The following ANO5 variants were observed in gnomAD, a reference collection of about 807,000 sequenced individuals.
ANO5 encodes the protein anoctamin 5.
A neutral mutation model predicts 121.0 loss-of-function variants in ANO5; 109 were observed. The ratio of observed to expected loss-of-function variants is 0.90; its 90% CI spans 0.77 to 1.06. The LOEUF is 1.06. Among genes scored for constraint, ANO5 ranks in the 50% least tolerant of loss-of-function variants. The pLI is 0.00. For synonymous variants in ANO5, 406 were observed against 359.9 expected, an observed-to-expected ratio of 1.13 and a Z score of -1.45; for missense variants, 1,064 against 1,078.5, an observed-to-expected ratio of 0.99 and a Z score of 0.19.
chr11:22,240,442 T>C (rs990577021), intron 9 of ANO5, among the ~76,000 whole-genome samples: 6 of 152,058 alleles, frequency 3.9e-5, no homozygotes, highest in Admixed American at 6.6e-5. Flanking sequence ...CAGTATCTGT[T>C]TCATGAGACT....
chr11:22,254,707 A>G (rs1302973157), intron 12 of ANO5, among the ~76,000 whole-genome samples: 1 of 151,888 alleles, frequency 6.6e-6, no homozygotes, highest in African/African-American at 2.4e-5. Flanking sequence ...TATTTTGTGA[A>G]TTTTTTTGAA....
intron 7 of ANO5, among the ~76,000 whole-genome samples, chr11:22,230,623 G>A (rs1298303658): frequency 6.6e-6 from 1 of 151,940 alleles, no homozygotes; most frequent in Non-Finnish European, 1.5e-5. Flanking sequence ...AAGCACTCAT[G>A]TTCCACATGC....
chr11:22,205,475 A>C (rs1174388727), intron 2 of ANO5, among the ~76,000 whole-genome samples: 2 of 152,166 alleles, frequency 1.3e-5, no homozygotes, highest in East Asian at 3.9e-4. Context: ...CAATATACAA[A>C]CAAGAATAAG....
Position 22,282,977 on chromosome 11 carries a change from A to G in ANO5, c.*3212A>G, listed in dbSNP as rs2133821605. 6.6e-6 allele frequency: 1 copy of G among 152,328 alleles called. No homozygotes were observed. The highest frequency in any genetic ancestry group is 1.9e-4 in the East Asian group (1 of 5,186). 9.4% of individuals were successfully genotyped at this position (152,328 alleles called of 1,614,324 possible). ...TCAGCCACAATGAGTCGGTATAACTACTGTGTTATTCTTTTTCTAGACAAA... is the reference window on the plus strand; with the variant it reads ...TCAGCCACAATGAGTCGGTATAACTGCTGTGTTATTCTTTTTCTAGACAAA... On this transcript the variant is annotated 3_prime_UTR_variant, in exon 22 of 22. Transcript: ENST00000324559.
intron 12 of ANO5, among the ~76,000 whole-genome samples, chr11:22,253,117 A>G (rs1853881693): frequency 6.6e-6 from 1 of 152,192 alleles, no homozygotes; most frequent in Admixed American, 6.5e-5. Flanking sequence ...CTTAAAAATG[A>G]AAAAGGTCAA....
intron 4 of ANO5, among the ~76,000 whole-genome samples, chr11:22,219,351 G>A (rs1239855044): frequency 6.6e-6 from 1 of 151,940 alleles, no homozygotes; most frequent in African/African-American, 2.4e-5. Flanking sequence ...TCTTGCTGTC[G>A]AATACTCTGA....
intron 1 of ANO5, among the ~76,000 whole-genome samples, chr11:22,202,017 T>G (rs1482861158): frequency 6.6e-6 from 1 of 152,050 alleles, no homozygotes; most frequent in African/African-American, 2.4e-5. Flanking sequence ...TGGGCCAGAC[T>G]TAAGAGCGTG....
Position 22,252,029 on chromosome 11 carries a change from C to CAA in ANO5, c.1180+1047_1180+1048dup, listed in dbSNP as rs10525160. Among the ~76,000 whole-genome samples the CAA allele has an allele frequency of 1.1e-3, 49 of 45,852 alleles. 1 individual carries two copies. The highest frequency in any genetic ancestry group is 4.8e-3 in the East Asian group (5 of 1,040). 30.1% of individuals were successfully genotyped at this position (45,852 alleles called of 152,430 possible). On this transcript the variant is annotated intron_variant, in intron 12 of 21. Transcript: ENST00000324559. ...TGAGAGACAGAGCAAGACGCCGTCTCAAAAAAAAAAAAAAAAAAAAAAAAA... is the reference window on the plus strand; with the variant it reads ...TGAGAGACAGAGCAAGACGCCGTCTCAAAAAAAAAAAAAAAAAAAAAAAAAAA...
At chr11:22,197,086 C>T (rs1032113926) in intron 1 of ANO5, among the ~76,000 whole-genome samples, 4 of 152,080 alleles carry the variant, frequency 2.6e-5, no homozygotes, top group African/African-American at 7.2e-5. Flanking sequence ...CCTTTAAATA[C>T]TGAATATGAG....
Position 22,259,509 on chromosome 11 carries a change from C to A in ANO5, c.1408-10C>A. ...GACCCAAATAGCAGTTCTTTGTTTTCCTTTCCCAGATGTCTCTTGTCGTCA... is the reference window on the plus strand; with the variant it reads ...GACCCAAATAGCAGTTCTTTGTTTTACTTTCCCAGATGTCTCTTGTCGTCA... On this transcript the variant is annotated splice_polypyrimidine_tract_variant and intron_variant, in intron 14 of 21. Coordinates refer to ENST00000324559, the MANE Select transcript of ANO5 (RefSeq NM_213599.3). 1 of 1,611,976 alleles carries A rather than the reference C, an allele frequency of 6.2e-7. No individual in the cohort carries two copies. The highest frequency in any genetic ancestry group is 8.5e-7 in the Non-Finnish European group (1 of 1,178,074).
intron 1 of ANO5, among the ~76,000 whole-genome samples, chr11:22,202,090 A>G (rs1851981653): frequency 1.3e-5 from 2 of 150,110 alleles, no homozygotes; most frequent in African/African-American, 5.1e-5. Context: ...ATTGTTTGCC[A>G]AAGGCAAAAA....
rs776184017 is a variant in ANO5, at chr11:22,276,250, G to A, written c.2520+51G>A. 12 of 1,402,802 alleles carry A rather than the reference G, an allele frequency of 8.6e-6. 1 individual carries two copies. The South Asian group carries it at 1.3e-4, about 15-fold the overall frequency. The allele number at this position is 1,402,802 out of a possible 1,614,324, so 86.9% of individuals were successfully genotyped here. A position where few individuals can be genotyped will look rare whatever the true frequency, so the allele number is the denominator to read the frequency against. On this transcript the variant is annotated intron_variant, in intron 21 of 21. Coordinates refer to ENST00000324559, the MANE Select transcript of ANO5 (RefSeq NM_213599.3). The stretch of plus-strand genomic sequence containing the variant: ...AGTTACTCTCTTCTCTCTTTAGGCA[G>A]ATATTTCTAAAGGTAACCTCTCATC...
intron 2 of ANO5, among the ~76,000 whole-genome samples, chr11:22,205,181 C>T (rs577825128): frequency 2.6e-5 from 4 of 152,070 alleles, no homozygotes; most frequent in South Asian, 4.1e-4. Flanking sequence ...AAACATCACA[C>T]GCTGGGGCCT....
intron 18 of ANO5, among the ~76,000 whole-genome samples, chr11:22,271,922 AT>A (rs1854630359): frequency 1.3e-5 from 2 of 152,188 alleles, no homozygotes; most frequent in Admixed American, 6.5e-5. Flanking sequence ...GTGAATATGT[AT>A]TTTTTTCACT....
At chr11:22,202,481 A>T (rs892870013) in intron 1 of ANO5, among the ~76,000 whole-genome samples, 3 of 152,028 alleles carry the variant, frequency 2.0e-5, no homozygotes, top group African/African-American at 7.2e-5. Context: ...GACTTATACA[A>T]TTGCTTTATT....
chr11:22,228,458 C>T (rs1243790545), intron 7 of ANO5, among the ~76,000 whole-genome samples: 7 of 151,910 alleles, frequency 4.6e-5, no homozygotes, highest in Non-Finnish European at 7.4e-5. Flanking sequence ...GGATAATTAG[C>T]ATCTCCATCA....
chr11:22,264,725 A>G (rs1389478463), intron 17 of ANO5, among the ~76,000 whole-genome samples: 1 of 152,164 alleles, frequency 6.6e-6, no homozygotes, highest in Non-Finnish European at 1.5e-5. Flanking sequence ...ATCAGGAAAT[A>G]AATAAAAACT....
At position 22,193,200 on chromosome 11, in the gene ANO5, T is replaced by G; in HGVS notation, c.-293T>G. 7.8e-7 allele frequency: 1 copy of G among 1,277,598 alleles called. No individual in the cohort carries two copies. Among genetic ancestry groups the G allele is most frequent in the East Asian group, 3.6e-5 (1 of 27,954 alleles). 79.1% of individuals were successfully genotyped at this position (1,277,598 alleles called of 1,614,324 possible). A position where few individuals can be genotyped will look rare whatever the true frequency, so the allele number is the denominator to read the frequency against. On this transcript the variant is annotated 5_prime_UTR_variant, in exon 1 of 22. Transcript: ENST00000324559. ...GAGAGCGCCCAGGAGCGCTACCGGC[T>G]GAGGGTGGGGAAGCGCAGGGCCAAG...
intron 20 of ANO5, among the ~76,000 whole-genome samples, chr11:22,275,309 GACACACACACAC>G (rs56171321): frequency 6.7e-6 from 1 of 148,506 alleles, no homozygotes; most frequent in East Asian, 2.0e-4. Flanking sequence ...ACAATTTAAA[GACACACACACAC>G]ACACACACAC....
Sources: allele counts gnomAD v4.1 joint callset (sites outside exome capture counted in the v4.1 genomes callset), GRCh38; gene constraint gnomAD v4.1.1; transcripts MANE v1.5; gene names NCBI Gene and HGNC (gene_info 2026-07-23, HGNC 2026-07-21).